Variants in SAMD8 observed in about 807,000 individuals in gnomAD.
SAMD8 encodes sterile alpha motif domain containing 8, also known as sphingomyelin synthase-related protein 1.
SAMD8 carries 20 observed loss-of-function variants against 42.0 expected under a neutral mutation model. That is an observed-to-expected ratio of 0.48 (90% CI 0.34 to 0.69). The LOEUF (loss-of-function observed/expected upper bound fraction) is 0.69. SAMD8 is among the 30% of genes least tolerant of loss of function. SAMD8 has a pLI of 0.01. For synonymous variants in SAMD8, 162 were observed against 173.0 expected, an observed-to-expected ratio of 0.94 and a Z score of 0.50; for missense variants, 328 against 511.6, an observed-to-expected ratio of 0.64 and a Z score of 3.46.
At chr10:75,109,286 T>C, upstream of SAMD8, 1 of 1,116,214 alleles carries the variant, frequency 9.0e-7, no homozygotes, top group Non-Finnish European at 1.2e-6. Context: ...CAGGGGCCTC[T>C]GGAGTGGACA....
intron 1 of SAMD8, among the ~76,000 whole-genome samples, chr10:75,128,940 ACTT>A (rs544024728): frequency 1.7e-3 from 263 of 152,240 alleles, no homozygotes; most frequent in Non-Finnish European, 3.2e-3. Context: ...AAAATGTATT[ACTT>A]CTTCTGCAAA....
At chr10:75,114,414 T>A (rs1375742671) in intron 1 of SAMD8, among the ~76,000 whole-genome samples, 1 of 152,088 alleles carries the variant, frequency 6.6e-6, no homozygotes, top group Non-Finnish European at 1.5e-5. Context: ...CATATTTAGG[T>A]AAATCAGTTT....
chr10:75,109,139 G>A, upstream of SAMD8: 4 of 1,600,646 alleles, frequency 2.5e-6, no homozygotes, highest in East Asian at 4.6e-5. Context: ...CCCAGCTCTG[G>A]GAGAGAGGTC....
chr10:75,147,096 T>C (rs950183693), intron 1 of SAMD8, among the ~76,000 whole-genome samples: 9 of 152,164 alleles, frequency 5.9e-5, no homozygotes, highest in Non-Finnish European at 2.9e-5. Context: ...CATCAAAGCC[T>C]ATTAGCCTGA....
chr10:75,117,735 A>G (rs918479961), intron 1 of SAMD8, among the ~76,000 whole-genome samples: 2 of 152,180 alleles, frequency 1.3e-5, no homozygotes, highest in African/African-American at 2.4e-5. Context: ...CAAACAAACA[A>G]AAAAGATTTT....
chr10:75,117,163 A>T (rs1490542895), intron 1 of SAMD8, among the ~76,000 whole-genome samples: 6 of 151,416 alleles, frequency 4.0e-5, no homozygotes, highest in African/African-American at 1.5e-4. Context: ...TGACTCATGC[A>T]TGTAATCCCA....
chr10:75,168,999 C>T (rs755017390), intron 4 of SAMD8, among the ~76,000 whole-genome samples: 25 of 149,902 alleles, frequency 1.7e-4, no homozygotes, highest in South Asian at 4.2e-4. Context: ...GGTGAAACTC[C>T]GTCTCTACTA....
chr10:75,159,431 C>T (rs1487406981), intron 2 of SAMD8, among the ~76,000 whole-genome samples: 2 of 152,150 alleles, frequency 1.3e-5, no homozygotes, highest in Admixed American at 6.5e-5. Context: ...TACTATGCCA[C>T]TCACTAAAAC....
At chr10:75,104,148 C>G (rs139359801) in intron 1 of SAMD8, 2 of 1,265,210 alleles carry the variant, frequency 1.6e-6, no homozygotes, top group South Asian at 2.5e-5. Context: ...AAGGCCCAGG[C>G]TGGCTGGGAC....
intron 3 of SAMD8, among the ~76,000 whole-genome samples, chr10:75,165,701 C>T (rs1244662231): frequency 6.7e-6 from 1 of 150,354 alleles, no homozygotes; most frequent in African/African-American, 2.4e-5. Flanking sequence ...ATTAGCCAGG[C>T]ACAGTGGCAC....
At position 75,128,721 on chromosome 10, in the gene SAMD8, G is replaced by C. The variant is rs1247921731; in HGVS notation, c.-16+16999G>C. On this transcript the variant is annotated intron_variant, in intron 1 of 5. Coordinates refer to ENST00000542569, the MANE Select transcript of SAMD8 (RefSeq NM_001174156.2). The stretch of plus-strand genomic sequence containing the variant: ...TGTGGTTACTATGGGTGGTCGGCAG[G>C]GGGTGGGGAAGGGAATTATTGATTA... Among the ~76,000 whole-genome samples, 5 of 152,310 alleles carry C rather than the reference G, an allele frequency of 3.3e-5. No homozygotes were observed. The South Asian group carries it at 8.3e-4, about 25-fold the overall frequency.
intron 4 of SAMD8, among the ~76,000 whole-genome samples, chr10:75,169,091 AC>A (rs1840766723): frequency 7.3e-6 from 1 of 136,314 alleles, no homozygotes; most frequent in Non-Finnish European, 1.5e-5. Context: ...AATTGCTTGA[AC>A]CCGGGAGGTG....
chr10:75,139,055 G>T (rs1337729754), intron 1 of SAMD8, among the ~76,000 whole-genome samples: 2 of 150,770 alleles, frequency 1.3e-5, no homozygotes, highest in Non-Finnish European at 1.5e-5. Context: ...CCGCCTCCCA[G>T]GCTCAAACAA....
chr10:75,112,346 A>G lies in SAMD8; in HGVS notation c.-16+624A>G, dbSNP rs1277461097. ...GGCACTGAAAAAGAGAAGTGTGGTC[A>G]AGAAAGAAAAGGAGCCCTTGGGGAT... is the stretch of plus-strand genomic sequence containing the variant. On this transcript the variant is annotated intron_variant, in intron 1 of 5. Transcript: ENST00000542569. Among the ~76,000 whole-genome samples, 3 of 152,364 alleles carry G rather than the reference A, an allele frequency of 2.0e-5. No homozygotes were observed. The East Asian group carries it at 5.8e-4, about 29-fold the overall frequency.
chr10:75,108,366 A>G (rs1419765952), upstream of SAMD8: 7 of 1,359,302 alleles, frequency 5.1e-6, no homozygotes, highest in Admixed American at 1.8e-4. Flanking sequence ...ACAGCCCTAT[A>G]CCCAGAGCCC....
At chr10:75,153,651 A>G (rs1840345982) in intron 2 of SAMD8, among the ~76,000 whole-genome samples, 1 of 152,070 alleles carries the variant, frequency 6.6e-6, no homozygotes, top group African/African-American at 2.4e-5. Context: ...ACTGCCGTGT[A>G]GTATTTGTAT....
chr10:75,116,654 C>A (rs1179708799), intron 1 of SAMD8, among the ~76,000 whole-genome samples: 1 of 152,108 alleles, frequency 6.6e-6, no homozygotes, highest in Non-Finnish European at 1.5e-5. Flanking sequence ...GATGTCAGTT[C>A]CATCAATATA....
At chr10:75,165,854 T>C (rs1218925819) in intron 3 of SAMD8, among the ~76,000 whole-genome samples, 1 of 150,404 alleles carries the variant, frequency 6.6e-6, no homozygotes, top group African/African-American at 2.5e-5. Context: ...CACATGCCTA[T>C]AGTCCCAGCT....
At chr10:75,138,418 G>A (rs1269453940) in intron 1 of SAMD8, among the ~76,000 whole-genome samples, 2 of 152,168 alleles carry the variant, frequency 1.3e-5, no homozygotes, top group Admixed American at 6.5e-5. Flanking sequence ...TGGGCTGATT[G>A]TGCTATGGTA....
Sources: gnomAD v4.1 joint callset for allele counts (sites outside exome capture counted in the v4.1 genomes callset) on GRCh38, gnomAD v4.1.1 for gene constraint, MANE v1.5 for transcripts, NCBI Gene and HGNC (gene_info 2026-07-23, HGNC 2026-07-21) for gene names.